ATXN10: variants seen among roughly 807,000 people sequenced by gnomAD.
ATXN10 encodes the protein ataxin-10.
Under a neutral mutation model 52.9 loss-of-function variants are expected in ATXN10, and 28 were observed. The ratio of observed to expected loss-of-function variants is 0.53; its 90% CI spans 0.39 to 0.73. The LOEUF is 0.73. Among genes scored for constraint, ATXN10 ranks in the 30% least tolerant of loss-of-function variants. The pLI is 0.00. For synonymous variants in ATXN10, 226 were observed against 221.5 expected, an observed-to-expected ratio of 1.02 and a Z score of -0.18; for missense variants, 565 against 577.0, an observed-to-expected ratio of 0.98 and a Z score of 0.21.
chr22:45,700,573 A>G (rs1374046989), intron 4 of ATXN10, among the ~76,000 whole-genome samples, 195 bp downstream of exon 4: 2 of 152,192 alleles, frequency 1.3e-5, no homozygotes, highest in Non-Finnish European at 2.9e-5. Context: ...GTTCGTCTAT[A>G]TCTTGACCTT....
intron 9 of ATXN10, among the ~76,000 whole-genome samples, chr22:45,802,227 G>A (rs964690787): frequency 6.6e-6 from 1 of 152,202 alleles, no homozygotes; most frequent in Non-Finnish European, 1.5e-5. Context: ...AGTGTTGACT[G>A]AGCTTGGCTC....
chr22:45,687,363 A>G (rs1272561476), intron 1 of ATXN10, among the ~76,000 whole-genome samples: 2 of 152,186 alleles, frequency 1.3e-5, no homozygotes, highest in Non-Finnish European at 2.9e-5. Context: ...TTTGAGTAAA[A>G]CAGATGTTAC....
At chr22:45,730,494 C>A (rs1925048107) in intron 7 of ATXN10, among the ~76,000 whole-genome samples, 1 of 152,174 alleles carries the variant, frequency 6.6e-6, no homozygotes, top group South Asian at 2.1e-4. Context: ...AGCACAGTGG[C>A]ACAATCTTGA....
Position 45,715,277 on chromosome 22 carries a change from T to C in ATXN10, c.648-3136T>C, listed in dbSNP as rs1924402097. Among the ~76,000 whole-genome samples, 1 of 152,018 alleles carries C rather than the reference T, an allele frequency of 6.6e-6. No homozygotes were observed. Among genetic ancestry groups the C allele is most frequent in the Non-Finnish European group, 1.5e-5 (1 of 68,000 alleles). On this transcript the variant is annotated intron_variant, in intron 5 of 11. Transcript: ENST00000252934. The surrounding 1 kb of genome is among the most constrained non-coding windows in gnomAD (Gnocchi z 4.4). ...TTGTCTGGTTTTATGTTGTTTAAGG[T>C]AGGGGGTAAATTGTTATTCCATTAT...
rs558941262 is a variant in ATXN10 at position 45,842,792 on chromosome 22, A to G, written c.1238-199A>G. On this transcript the variant is annotated intron_variant, in intron 10 of 11. Coordinates refer to ENST00000252934, the MANE Select transcript of ATXN10 (RefSeq NM_013236.4). This position sits in a 1 kb window ranked among gnomAD's most constrained non-coding sequence, Gnocchi z 4.8. ...CATCACACACACATGCTGGATGTAC[A>G]TGTGCATATGCCTGCGTTGCCTCTT... 7.9e-5 allele frequency among the ~76,000 whole-genome samples: 12 copies of G among 152,312 alleles called. No homozygotes were observed. Among genetic ancestry groups the G allele is most frequent in the African/African-American group, 2.9e-4 (12 of 41,572 alleles).
chr22:45,697,292 G>A (rs1272824079), intron 3 of ATXN10, among the ~76,000 whole-genome samples: 4 of 151,912 alleles, frequency 2.6e-5, no homozygotes, highest in African/African-American at 7.3e-5. Context: ...CCACCACCAC[G>A]CCTGGCTAAT....
chr22:45,780,828 A>G lies in ATXN10; in HGVS notation c.1174-26131A>G, dbSNP rs888302951. ...AGGTGGTGCAGATGCACTTCCCGGT[A>G]TCTCTCCAGCTAAATACATCCAGAA... On this transcript the variant is annotated intron_variant, in intron 9 of 11. Coordinates refer to ENST00000252934, the MANE Select transcript of ATXN10 (RefSeq NM_013236.4). This position sits in a 1 kb window ranked among gnomAD's most constrained non-coding sequence, Gnocchi z 4.0. Among the ~76,000 whole-genome samples, 5 of 152,170 alleles carry G rather than the reference A, an allele frequency of 3.3e-5. No homozygotes were observed. Among genetic ancestry groups the G allele is most frequent in the African/African-American group, 1.2e-4 (5 of 41,438 alleles).
Position 45,681,156 on chromosome 22 carries a change from C to T in ATXN10, c.117-8556C>T, listed in dbSNP as rs1337811965. Among the ~76,000 whole-genome samples the T allele has an allele frequency of 6.6e-6, 1 of 152,184 alleles. No individual in the cohort carries two copies. Among genetic ancestry groups the T allele is most frequent in the African/African-American group, 2.4e-5 (1 of 41,430 alleles). ...CCTTGAAGAGTTTAGCCCTGGCTCACTTTTCACTCTATTTCTTCTCCTGTC... is the reference window on the plus strand; with the variant it reads ...CCTTGAAGAGTTTAGCCCTGGCTCATTTTTCACTCTATTTCTTCTCCTGTC... On this transcript the variant is annotated intron_variant, in intron 1 of 11. Transcript: ENST00000252934. This position sits in a 1 kb window ranked among gnomAD's most constrained non-coding sequence, Gnocchi z 4.2.
intron 3 of ATXN10, among the ~76,000 whole-genome samples, chr22:45,699,467 CTT>C (rs11378331): frequency 7.5e-5 from 9 of 119,886 alleles, no homozygotes; most frequent in African/African-American, 2.9e-4. Flanking sequence ...CAGTAGAAAT[CTT>C]TTTTTTTTTC....
chr22:45,838,500 C>T (rs1929238753), intron 10 of ATXN10, among the ~76,000 whole-genome samples: 1 of 152,224 alleles, frequency 6.6e-6, no homozygotes, highest in Admixed American at 6.5e-5. Flanking sequence ...ACGTTAGAAG[C>T]TCTCTTTCTA....
Position 45,843,963 on chromosome 22 carries a change from T to C in ATXN10, c.*292T>C. On this transcript the variant is annotated 3_prime_UTR_variant, in exon 12 of 12. Transcript: ENST00000252934. The surrounding 1 kb of genome is among the most constrained non-coding windows in gnomAD (Gnocchi z 4.5). The stretch of plus-strand genomic sequence containing the variant: ...GACAGCAGATAATAAACCAGTCTCT[T>C]GGAGGGCACAACCCTTATTTGACAA... 2.3e-6 allele frequency: 1 copy of C among 444,096 alleles called. No homozygotes were observed. The highest frequency in any genetic ancestry group is 4.0e-6 in the Non-Finnish European group (1 of 246,926). 27.5% of individuals were successfully genotyped at this position (444,096 alleles called of 1,614,324 possible). A position where few individuals can be genotyped will look rare whatever the true frequency, so the allele number is the denominator to read the frequency against.
At chr22:45,817,956 G>GT (rs974264407) in intron 10 of ATXN10, among the ~76,000 whole-genome samples, 2 of 152,170 alleles carry the variant, frequency 1.3e-5, no homozygotes, top group Admixed American at 1.3e-4. Flanking sequence ...AGCTCTCCTA[G>GT]TACCTTAGCA....
chr22:45,740,264 C>G, intron 8 of ATXN10, 105 bp from the exon 9 acceptor site: 2 of 1,113,770 alleles, frequency 1.8e-6, no homozygotes, highest in Middle Eastern at 2.3e-4. Context: ...TGTGCTCTAC[C>G]TTTAGCCTAT....
chr22:45,733,854 A>G lies in ATXN10; in HGVS notation c.894+4264A>G, dbSNP rs918712357. ...CCTTTTTTTTTTGTTTTCTTTTCAA[A>G]GGTCTTTTTTTGTATATACACACCT... On this transcript the variant is annotated intron_variant, in intron 7 of 11. Transcript: ENST00000252934. The surrounding 1 kb of genome is among the most constrained non-coding windows in gnomAD (Gnocchi z 4.4). 1.6e-4 allele frequency among the ~76,000 whole-genome samples: 24 copies of G among 150,432 alleles called. No homozygotes were observed. The highest frequency in any genetic ancestry group is 1.4e-3 in the Admixed American group (21 of 15,148).
At chr22:45,702,308 G>T (rs1229385182) in intron 4 of ATXN10, among the ~76,000 whole-genome samples, 4 of 152,130 alleles carry the variant, frequency 2.6e-5, no homozygotes, top group Non-Finnish European at 5.9e-5. Context: ...TAGGCATCTT[G>T]TCCCTAAGGA....
At chr22:45,753,199 C>T (rs181025232) in intron 9 of ATXN10, among the ~76,000 whole-genome samples, 11 of 148,742 alleles carry the variant, frequency 7.4e-5, no homozygotes, top group Admixed American at 1.4e-4. Context: ...CCTCTCCACC[C>T]GCGGTTTCTT....
chr22:45,793,213 A>G (rs184173475), intron 9 of ATXN10: 1 of 158,610 alleles, frequency 6.3e-6, no homozygotes, highest in East Asian at 1.9e-4. Flanking sequence ...ATCAAAACCC[A>G]AAGACATAGA....
rs576026880 is a variant in ATXN10 at position 45,796,354 on chromosome 22, C to A, written c.1174-10605C>A. Among the ~76,000 whole-genome samples the A allele has an allele frequency of 1.4e-4, 21 of 152,306 alleles. No individual in the cohort carries two copies. In the South Asian group the frequency reaches 4.1e-3, roughly 30 times the overall value. On this transcript the variant is annotated intron_variant, in intron 9 of 11. Transcript: ENST00000252934. ...AGTGTGTGCCCAGCAGGACATGGAC[C>A]TTCATCAGTAATTCTAGTTTCGCCC... is the stretch of plus-strand genomic sequence containing the variant.
chr22:45,790,909 C>T lies in ATXN10; in HGVS notation c.1174-16050C>T, dbSNP rs1944114228. Among the ~76,000 whole-genome samples the T allele has an allele frequency of 6.6e-6, 1 of 152,170 alleles. No homozygotes were observed. Among genetic ancestry groups the T allele is most frequent in the Non-Finnish European group, 1.5e-5 (1 of 68,032 alleles). On this transcript the variant is annotated intron_variant, in intron 9 of 11. Coordinates refer to ENST00000252934, the MANE Select transcript of ATXN10 (RefSeq NM_013236.4). The surrounding 1 kb of genome is among the most constrained non-coding windows in gnomAD (Gnocchi z 4.7). ...TCTCTCTGTCGCCCAATCTGCAGTG[C>T]AGTGGCACAGACATAGCTTACTGTA...
Sources: gnomAD v4.1 joint callset for allele counts (sites outside exome capture counted in the v4.1 genomes callset) on GRCh38, gnomAD v4.1.1 for gene constraint, Gnocchi (gnomAD v3.1) non-coding constraint, MANE v1.5 for transcripts, NCBI Gene and HGNC (gene_info 2026-07-23, HGNC 2026-07-21) for gene names.